The following MEF2C variants were observed in gnomAD, a reference collection of about 807,000 sequenced individuals.
MEF2C encodes the protein myocyte-specific enhancer factor 2C.
MEF2C carries 6 observed loss-of-function variants against 50.5 expected under a neutral mutation model. The observed-to-expected ratio is 0.12, with a 90% CI of 0.07 to 0.23. The LOEUF is 0.23. Ranked by LOEUF, MEF2C falls within the 10% of genes least tolerant of loss-of-function variation. MEF2C has a pLI of 1.00. For synonymous variants in MEF2C, 183 were observed against 228.0 expected (o/e 0.80, Z 1.78); for missense variants, 276 against 605.0 (o/e 0.46, Z 5.70).
chr5:88,892,380 G>T (rs1834688347), intron 1 of MEF2C: 1 of 152,218 alleles, frequency 6.6e-6, no homozygotes, highest in African/African-American at 2.4e-5. Flanking sequence ...TTTGTTTAAG[G>T]ATTAAATGAG....
chr5:88,741,809 C>T lies in MEF2C; in HGVS notation c.637+7261G>A, dbSNP rs183708552. 5.1e-6 allele frequency: 5 copies of T among 985,002 alleles called. No individual in the cohort carries two copies. The East Asian group carries it at 5.7e-4, about 112-fold the overall frequency. 61.0% of individuals were successfully genotyped at this position (985,002 alleles called of 1,614,324 possible). ...CATAATGTCTAGTAAAATAGATAAA[C>T]TTAAATTTGAGTTCAGTTAAAACAA... On this transcript the variant is annotated intron_variant, in intron 6 of 10. Transcript: ENST00000504921.
At chr5:88,736,000 C>T (rs1203851724) in intron 6 of MEF2C, 2 of 985,236 alleles carry the variant, frequency 2.0e-6, no homozygotes, top group East Asian at 1.1e-4. Context: ...CAGAATTAGT[C>T]ACTATGGACC....
chr5:88,850,168 G>A (rs1820814411), intron 1 of MEF2C, among the ~76,000 whole-genome samples: 1 of 150,208 alleles, frequency 6.7e-6, no homozygotes, highest in South Asian at 2.1e-4. Flanking sequence ...TTCCCCCTAT[G>A]AGTGAGAACA....
chr5:88,874,792 ACTAAG>A (rs1229811419), intron 1 of MEF2C, among the ~76,000 whole-genome samples: 1 of 152,034 alleles, frequency 6.6e-6, no homozygotes. Flanking sequence ...TGGGTTAACA[ACTAAG>A]CTAACATTTA....
chr5:88,812,292 T>C (rs1205531680), intron 2 of MEF2C, among the ~76,000 whole-genome samples: 1 of 152,162 alleles, frequency 6.6e-6, no homozygotes, highest in South Asian at 2.1e-4. Flanking sequence ...TAAATGTTGA[T>C]AGAATGAATA....
At chr5:88,810,452 G>A (rs1802305970) in intron 2 of MEF2C, among the ~76,000 whole-genome samples, 2 of 152,056 alleles carry the variant, frequency 1.3e-5, no homozygotes, top group South Asian at 4.1e-4. Flanking sequence ...AAAAAAGTCT[G>A]AAGATAAAAA....
At position 88,788,158 on chromosome 5, in the gene MEF2C, T is replaced by C. The variant is rs79940308; in HGVS notation, c.258+16440A>G. 1.4e-3 allele frequency among the ~76,000 whole-genome samples: 212 copies of C among 147,948 alleles called. 3 individuals carry two copies. In the East Asian group the frequency reaches 0.039, roughly 27 times the overall value. On this transcript the variant is annotated intron_variant, in intron 3 of 10. Coordinates refer to ENST00000504921, the MANE Select transcript of MEF2C (RefSeq NM_002397.5). ...TTTATTGGGCTGTATCTATTAACCA[T>C]CATGCCAGTTTGTTTGTTTGTTTAT...
Position 88,813,185 on chromosome 5 carries a change from A to G in MEF2C, c.55-8384T>C, listed in dbSNP as rs571828570. Among the ~76,000 whole-genome samples the G allele has an allele frequency of 7.2e-5, 11 of 152,162 alleles. No homozygotes were observed. In the East Asian group the frequency reaches 1.9e-3, roughly 27 times the overall value. ...CCACTGAGAACCACATGCATGCACT[A>G]GTGGGCACAAACTAGTTCTATATTT... On this transcript the variant is annotated intron_variant, in intron 2 of 10. Coordinates refer to ENST00000504921, the MANE Select transcript of MEF2C (RefSeq NM_002397.5).
In MEF2C at chr5:88,718,710, G is replaced by GAAC. The variant is rs778693305; in HGVS notation, c.*3893_*3894insGTT. ...ATTAAACTGAGGTATGAATCAATTTGAGGTATGAACAGGGAAGGCAAAATG... is the reference window on the plus strand; with the variant it reads ...ATTAAACTGAGGTATGAATCAATTTGAACAGGTATGAACAGGGAAGGCAAAATG... On this transcript the variant is annotated 3_prime_UTR_variant, in exon 11 of 11. Transcript: ENST00000504921. The GAAC allele has an allele frequency of 6.6e-6, 1 of 152,212 alleles. No homozygotes were observed. The highest frequency in any genetic ancestry group is 2.4e-5 in the African/African-American group (1 of 41,454). The allele number at this position is 152,212 out of a possible 1,614,324, so 9.4% of individuals were successfully genotyped here.
At chr5:88,879,696 T>C (rs1342448145) in intron 1 of MEF2C, among the ~76,000 whole-genome samples, 1 of 152,098 alleles carries the variant, frequency 6.6e-6, no homozygotes, top group East Asian at 1.9e-4. Context: ...GAACTTAAAA[T>C]TTACACAATG....
intron 1 of MEF2C, among the ~76,000 whole-genome samples, chr5:88,898,025 A>G (rs984077986): frequency 2.6e-5 from 4 of 152,100 alleles, no homozygotes; most frequent in Non-Finnish European, 2.9e-5. Flanking sequence ...ACTTATTTGC[A>G]TGCTACTCTC....
intron 6 of MEF2C, chr5:88,743,694 G>T: frequency 2.0e-6 from 2 of 985,354 alleles, no homozygotes; most frequent in Non-Finnish European, 2.4e-6. Flanking sequence ...CCAGAGTCTG[G>T]AAACCAGATC....
chr5:88,774,759 G>C (rs576617534), intron 3 of MEF2C, among the ~76,000 whole-genome samples: 77 of 152,344 alleles, frequency 5.1e-4, no homozygotes, highest in Non-Finnish European at 7.6e-4. Context: ...TCTGATGAAA[G>C]AAAGTTTGAT....
chr5:88,857,690 T>C (rs1823964029), intron 1 of MEF2C, among the ~76,000 whole-genome samples: 1 of 152,208 alleles, frequency 6.6e-6, no homozygotes, highest in Non-Finnish European at 1.5e-5. Context: ...ATAAGGGGCT[T>C]ACTCCTTCGC....
At chr5:88,731,666 T>TA (rs751286195) in intron 7 of MEF2C, 63 bp downstream of exon 7, 3 of 1,464,176 alleles carry the variant, frequency 2.0e-6, no homozygotes, top group Non-Finnish European at 2.8e-6. Flanking sequence ...TAGACAAATA[T>TA]AAAAACAGCA....
intron 3 of MEF2C, among the ~76,000 whole-genome samples, chr5:88,763,634 A>C (rs1014979931): frequency 2.0e-5 from 3 of 151,636 alleles, no homozygotes; most frequent in African/African-American, 7.3e-5. Flanking sequence ...TCTATAAGAC[A>C]TGTTAAAAAT....
rs776920242 is a variant in MEF2C at position 88,804,724 on chromosome 5, C to T, written c.132G>A (p.Ala44=). 9 of 1,614,002 alleles carry T rather than the reference C, an allele frequency of 5.6e-6. No individual in the cohort carries two copies. Among genetic ancestry groups the T allele is most frequent in the East Asian group, 2.2e-5 (1 of 44,888 alleles). ...TGTTGGTGCTGTTGAAGATGATCAG[C>T]GCAATCTCACAGTCACACAGCACGC... The part of the protein sequence containing the change: ...ELSVLCDCEI[A]LIIFNSTNKL... Residue 44 remains alanine, a synonymous_variant, in exon 3 of 11, where the codon GCG becomes GCA. Coordinates refer to ENST00000504921, the MANE Select transcript of MEF2C (RefSeq NM_002397.5).
chr5:88,804,707 C>T lies in MEF2C; in HGVS notation c.149G>A (p.Ser50Asn). 6.2e-7 allele frequency: 1 copy of T among 1,614,158 alleles called. No individual in the cohort carries two copies. The highest frequency in any genetic ancestry group is 8.5e-7 in the Non-Finnish European group (1 of 1,180,018). The change falls in exon 3 of 11, where the codon AGC (serine) becomes AAC (asparagine). Residue 50 changes from serine to asparagine, a missense_variant. Physicochemically the swap from Ser to Asn is conservative, Grantham distance 46 (BLOSUM62 1). Around this residue, in one of 2 missense-constraint regions of MEF2C, gnomAD observed 20 missense variants for 136.9 expected, o/e 0.15. Coordinates refer to ENST00000504921, the MANE Select transcript of MEF2C (RefSeq NM_002397.5). The stretch of plus-strand genomic sequence containing the variant: ...GGCATACTGGAACAGCTTGTTGGTG[C>T]TGTTGAAGATGATCAGCGCAATCTC... The part of the protein sequence containing the change: ...DCEIALIIFN[S>N]TNKLFQYAST...
chr5:88,730,131 T>C (rs1561686827), intron 8 of MEF2C, 80 bp downstream of exon 8: 2 of 1,451,936 alleles, frequency 1.4e-6, no homozygotes, highest in Non-Finnish European at 1.9e-6. Context: ...TCCAATATCT[T>C]CCAATTTTAT....
Sources: gnomAD v4.1 joint callset for allele counts (sites outside exome capture counted in the v4.1 genomes callset) on GRCh38, gnomAD v4.1.1 for gene constraint, gnomAD v4.1.1 regional missense constraint, MANE v1.5 for transcripts, NCBI Gene and HGNC (gene_info 2026-07-23, HGNC 2026-07-21) for gene names.